RORA: variants seen among roughly 807,000 people sequenced by gnomAD.
The protein encoded by RORA is nuclear receptor ROR-alpha.
Under a neutral mutation model 69.5 loss-of-function variants are expected in RORA, and 7 were observed. The ratio of observed to expected loss-of-function variants is 0.10; its 90% CI spans 0.06 to 0.19. The LOEUF (loss-of-function observed/expected upper bound fraction) is 0.19, where lower values mean the gene tolerates loss of function less well. Ranked by LOEUF, RORA falls within the 10% of genes least tolerant of loss-of-function variation. The pLI, the probability that RORA is intolerant of heterozygous loss-of-function variation, is 1.00. For synonymous variants in RORA, 261 were observed against 240.8 expected, an observed-to-expected ratio of 1.08 and a Z score of -0.78; for missense variants, 457 against 663.0, an observed-to-expected ratio of 0.69 and a Z score of 3.41.
At chr15:60,707,929 T>C (rs1020412352) in intron 1 of RORA, among the ~76,000 whole-genome samples, 7 of 152,186 alleles carry the variant, frequency 4.6e-5, no homozygotes, top group Admixed American at 4.6e-4. Flanking sequence ...ATCCTGTTCC[T>C]CTCAGCCACC....
intron 3 of RORA, among the ~76,000 whole-genome samples, chr15:60,523,374 T>G (rs1351002332): frequency 6.6e-6 from 1 of 152,226 alleles, no homozygotes; most frequent in East Asian, 1.9e-4. Flanking sequence ...GAGCATTCAG[T>G]GAGAATCATT....
At chr15:61,177,509 T>C (rs2079640422) in intron 1 of RORA, among the ~76,000 whole-genome samples, 1 of 152,148 alleles carries the variant, frequency 6.6e-6, no homozygotes, top group Admixed American at 6.6e-5. Flanking sequence ...ATGTGAAAAA[T>C]ACGGCTGTCA....
chr15:60,719,083 G>A (rs1213913981), intron 1 of RORA, among the ~76,000 whole-genome samples: 1 of 16,588 alleles, frequency 6.0e-5, no homozygotes, highest in Non-Finnish European at 1.1e-4. Flanking sequence ...AGATGCAAAA[G>A]GCCTGATGAA....
At chr15:61,090,075 G>C (rs567837134) in intron 1 of RORA, among the ~76,000 whole-genome samples, 30 of 152,334 alleles carry the variant, frequency 2.0e-4, no homozygotes, top group African/African-American at 7.0e-4. Context: ...TTTTCCTTCA[G>C]AGACATTTCT....
chr15:60,809,695 T>C (rs1327498667), intron 1 of RORA, among the ~76,000 whole-genome samples: 1 of 152,080 alleles, frequency 6.6e-6, no homozygotes, highest in African/African-American at 2.4e-5. Flanking sequence ...TGGATCAATA[T>C]TCTGTGCTTC....
rs1394286070 is a variant in RORA at position 60,495,774 on chromosome 15, A to G, written c.*1681T>C. On this transcript the variant is annotated 3_prime_UTR_variant, in exon 11 of 11. Transcript: ENST00000335670. The stretch of plus-strand genomic sequence containing the variant: ...GACTAAAATCATCGTCTAAATGCCT[A>G]CATTCCCAAAAGGTCACTTGTTTTT... The G allele has an allele frequency of 1.3e-5, 2 of 152,188 alleles. No homozygotes were observed. Among genetic ancestry groups the G allele is most frequent in the African/African-American group, 2.4e-5 (1 of 41,456 alleles). The allele number at this position is 152,188 out of a possible 1,614,324, so 9.4% of individuals were successfully genotyped here.
At chr15:60,600,631 T>C (rs967939531) in intron 2 of RORA, among the ~76,000 whole-genome samples, 1 of 152,240 alleles carries the variant, frequency 6.6e-6, no homozygotes, top group Non-Finnish European at 1.5e-5. Context: ...TTTCTCAATA[T>C]GTTAGATCCA....
At chr15:60,558,523 G>T in intron 2 of RORA, 1 of 440,516 alleles carries the variant, frequency 2.3e-6, no homozygotes, top group Non-Finnish European at 4.0e-6. Flanking sequence ...GGTTAAATGC[G>T]TATGTTTGAT....
chr15:60,887,260 A>C (rs1177010022), intron 1 of RORA, among the ~76,000 whole-genome samples: 3 of 152,132 alleles, frequency 2.0e-5, no homozygotes, highest in Non-Finnish European at 4.4e-5. Flanking sequence ...GAGATTTGCA[A>C]CCTTTCGTGG....
chr15:61,058,993 A>C (rs1228760247), intron 1 of RORA, among the ~76,000 whole-genome samples: 2 of 152,162 alleles, frequency 1.3e-5, no homozygotes, highest in Non-Finnish European at 2.9e-5. Context: ...TAAATGTTGA[A>C]ATTTTGGAGA....
chr15:61,100,756 C>T lies in RORA; in HGVS notation c.166+128297G>A, dbSNP rs374102840. Among the ~76,000 whole-genome samples, 21 of 152,322 alleles carry T rather than the reference C, an allele frequency of 1.4e-4. No homozygotes were observed. The East Asian group carries it at 2.9e-3, about 21-fold the overall frequency. On this transcript the variant is annotated intron_variant, in intron 1 of 10. Coordinates refer to ENST00000335670, the MANE Select transcript of RORA (RefSeq NM_134261.3). ...TATCACCAGCACATGCCCTCAGTTA[C>T]AATTAACTAGAGCACGGCTTATCTT...
At position 61,218,257 on chromosome 15, in the gene RORA, A is replaced by G. The variant is rs74520795; in HGVS notation, c.166+10796T>C. ...TGTTTTTCTCATTGTGGATCACGGT[A>G]TTAATGTCTCAAAGATATCGCCCTG... On this transcript the variant is annotated intron_variant, in intron 1 of 10. Coordinates refer to ENST00000335670, the MANE Select transcript of RORA (RefSeq NM_134261.3). 4.7e-4 allele frequency among the ~76,000 whole-genome samples: 72 copies of G among 151,760 alleles called. No homozygotes were observed. The East Asian group carries it at 0.011, about 24-fold the overall frequency.
intron 1 of RORA, among the ~76,000 whole-genome samples, chr15:61,028,321 T>G (rs1326802762): frequency 1.3e-5 from 2 of 152,210 alleles, no homozygotes; most frequent in African/African-American, 4.8e-5. Context: ...GGGCCCTTCC[T>G]ATCTCCAGCA....
chr15:60,969,930 T>C (rs8028546), intron 1 of RORA, among the ~76,000 whole-genome samples: 3,536 of 152,328 alleles, frequency 0.023, 131 homozygotes, highest in African/African-American at 0.08. Flanking sequence ...CTGTGGGTGA[T>C]GCCTGAATCT....
At chr15:60,715,969 C>T (rs747790200) in intron 1 of RORA, among the ~76,000 whole-genome samples, 19 of 152,192 alleles carry the variant, frequency 1.2e-4, no homozygotes, top group Non-Finnish European at 2.2e-4. Context: ...AATGATCTTA[C>T]GCTACACTAG....
rs970074659 is a variant in RORA, at chr15:60,916,816, G to A, written c.167-238130C>T. 5.9e-5 allele frequency among the ~76,000 whole-genome samples: 9 copies of A among 152,284 alleles called. No individual in the cohort carries two copies. In the East Asian group the frequency reaches 9.6e-4, roughly 16 times the overall value. On this transcript the variant is annotated intron_variant, in intron 1 of 10. Transcript: ENST00000335670. ...GTAGAAACTCAGGAGTTAACTGCAC[G>A]GTGAGCCCTGATCTGTATCACACAC...
At chr15:61,171,301 A>G (rs751003236) in intron 1 of RORA, among the ~76,000 whole-genome samples, 8 of 152,136 alleles carry the variant, frequency 5.3e-5, no homozygotes, top group Non-Finnish European at 1.2e-4. Flanking sequence ...TAGGAACAGG[A>G]GAGCCCAATG....
chr15:60,873,429 G>C (rs1311555903), intron 1 of RORA, among the ~76,000 whole-genome samples: 1 of 152,070 alleles, frequency 6.6e-6, no homozygotes, highest in African/African-American at 2.4e-5. Flanking sequence ...CTTCTAAAAG[G>C]CCAGGAAAAC....
chr15:61,171,033 C>A (rs757109239), intron 1 of RORA, among the ~76,000 whole-genome samples: 2 of 152,230 alleles, frequency 1.3e-5, no homozygotes, highest in Non-Finnish European at 2.9e-5. Context: ...GATTGTTCAG[C>A]TGGTCACTAG....
Sources: allele counts gnomAD v4.1 joint callset (sites outside exome capture counted in the v4.1 genomes callset), GRCh38; gene constraint gnomAD v4.1.1; transcripts MANE v1.5; gene names NCBI Gene and HGNC (gene_info 2026-07-23, HGNC 2026-07-21).